Variants in AGBL1 observed in about 807,000 individuals in gnomAD.
The protein encoded by AGBL1 is AGBL carboxypeptidase 1, also known as cytosolic carboxypeptidase 4.
Under a neutral mutation model 118.9 loss-of-function variants are expected in AGBL1, and 130 were observed. That is an observed-to-expected ratio of 1.09 (90% CI 0.95 to 1.26). The LOEUF (loss-of-function observed/expected upper bound fraction) is 1.26. Among genes scored for constraint, AGBL1 ranks in the 50% most tolerant of loss-of-function variants. The pLI is 0.00. For synonymous variants in AGBL1, 555 were observed against 478.9 expected, an observed-to-expected ratio of 1.16 and a Z score of -2.08; for missense variants, 1,584 against 1,298.1, an observed-to-expected ratio of 1.22 and a Z score of -3.38.
chr15:86,988,889 T>C lies in AGBL1; in HGVS notation c.3323+801T>C, dbSNP rs536596829. 3.9e-5 allele frequency among the ~76,000 whole-genome samples: 6 copies of C among 152,292 alleles called. No individual in the cohort carries two copies. The South Asian group carries it at 1.2e-3, about 32-fold the overall frequency. On this transcript the variant is annotated intron_variant, in intron 24 of 24. Coordinates refer to the AGBL1 transcript ENST00000441037. ...TTTCTGTCCCATTTATGACAAGTAT[T>C]TATTCATTTTATTTTTCTTACTTGA...
intron 18 of AGBL1, among the ~76,000 whole-genome samples, chr15:86,426,593 G>A (rs1026821474): frequency 1.3e-5 from 2 of 152,202 alleles, no homozygotes; most frequent in Non-Finnish European, 2.9e-5. Flanking sequence ...GCCAAAGTGA[G>A]TAGTGGACAT....
chr15:86,787,717 G>A (rs188726569), intron 22 of AGBL1, among the ~76,000 whole-genome samples: 2 of 152,196 alleles, frequency 1.3e-5, no homozygotes, highest in African/African-American at 4.8e-5. Context: ...TATTTTTGAG[G>A]TTCTTATTGC....
intron 16 of AGBL1, among the ~76,000 whole-genome samples, chr15:86,282,549 A>C (rs994583882): frequency 6.6e-6 from 1 of 152,282 alleles, no homozygotes; most frequent in Admixed American, 6.5e-5. Context: ...TGTATTCTCA[A>C]TTTTAGGTTT....
intron 17 of AGBL1, among the ~76,000 whole-genome samples, chr15:86,300,323 C>G (rs945607368): frequency 1.3e-5 from 2 of 152,150 alleles, no homozygotes; most frequent in Admixed American, 6.6e-5. Context: ...AGAGCTATAT[C>G]TCTGGAAGAT....
chr15:86,440,514 C>G (rs1035325475), intron 18 of AGBL1, among the ~76,000 whole-genome samples: 1 of 66,802 alleles, frequency 1.5e-5, no homozygotes, highest in African/African-American at 8.9e-5. Context: ...ATAATAATAA[C>G]AGTTAATGGA....
At chr15:86,426,659 A>G (rs772633905) in intron 18 of AGBL1, among the ~76,000 whole-genome samples, 2 of 152,242 alleles carry the variant, frequency 1.3e-5, no homozygotes, top group African/African-American at 2.4e-5. Flanking sequence ...AGAATACATT[A>G]TAATATAAAT....
intron 17 of AGBL1, among the ~76,000 whole-genome samples, chr15:86,380,925 T>C (rs1241682104): frequency 6.9e-6 from 1 of 145,592 alleles, no homozygotes; most frequent in South Asian, 2.2e-4. Flanking sequence ...CTAATCCACA[T>C]TACTTATAAA....
chr15:86,380,935 A>AGTGTGT lies in AGBL1; in HGVS notation c.2375-16412_2375-16407dup, dbSNP rs139872296. On this transcript the variant is annotated intron_variant, in intron 17 of 22. Transcript: ENST00000614907. ...TTGTTCTAATCCACATTACTTATAA[A>AGTGTGT]GTGTGTGTGTGTGTGTGTGTGTGTA... is the stretch of plus-strand genomic sequence containing the variant. Among the ~76,000 whole-genome samples, 75 of 149,626 alleles carry AGTGTGT rather than the reference A, an allele frequency of 5.0e-4. No homozygotes were observed. The East Asian group carries it at 5.1e-3, about 10-fold the overall frequency.
intron 17 of AGBL1, among the ~76,000 whole-genome samples, chr15:86,341,182 C>G (rs1179519580): frequency 1.3e-5 from 2 of 152,178 alleles, no homozygotes; most frequent in African/African-American, 4.8e-5. Flanking sequence ...TGGGACCTGT[C>G]CAGAGTGGAA....
rs188277104 is a variant in AGBL1, at chr15:86,681,467, C to T, written c.3158+7031C>T. On this transcript the variant is annotated intron_variant, in intron 22 of 22. Coordinates refer to ENST00000614907, the MANE Select transcript of AGBL1 (RefSeq NM_001386094.1). Reference sequence around the variant, plus strand: ...TTATACAGCCTCCTGTGTCCTGTGGCTAGTCATTCCCCTGAAGTGCACCAC... The same window carrying T: ...TTATACAGCCTCCTGTGTCCTGTGGTTAGTCATTCCCCTGAAGTGCACCAC... 1.7e-3 allele frequency among the ~76,000 whole-genome samples: 266 copies of T among 152,258 alleles called. 2 individuals carry two copies. The highest frequency in any genetic ancestry group is 6.2e-3 in the African/African-American group (256 of 41,554).
intron 23 of AGBL1, among the ~76,000 whole-genome samples, chr15:86,956,465 A>G (rs1192066526): frequency 6.6e-6 from 1 of 152,132 alleles, no homozygotes; most frequent in African/African-American, 2.4e-5. Flanking sequence ...GAAGCTGGAG[A>G]TTCAAGTAAG....
At chr15:86,197,236 G>T (rs867330712) in intron 5 of AGBL1, among the ~76,000 whole-genome samples, 1 of 152,204 alleles carries the variant, frequency 6.6e-6, no homozygotes. Context: ...GCTGTGAAGG[G>T]ACTGTTGGTT....
chr15:86,110,934 C>G (rs967618279), intron 1 of AGBL1, among the ~76,000 whole-genome samples: 2 of 152,172 alleles, frequency 1.3e-5, no homozygotes, highest in Non-Finnish European at 2.9e-5. Context: ...CCCAATACAG[C>G]CAAGCTATGA....
intron 22 of AGBL1, among the ~76,000 whole-genome samples, chr15:86,737,822 C>G (rs951193708): frequency 9.2e-5 from 14 of 152,210 alleles, no homozygotes; most frequent in Admixed American, 7.2e-4. Context: ...TGTAAATGTG[C>G]AGTATTTTAA....
rs903213590 is a variant in AGBL1 at position 86,156,992 on chromosome 15, G to T, written c.395-1941G>T. 3.3e-5 allele frequency among the ~76,000 whole-genome samples: 5 copies of T among 151,974 alleles called. No individual in the cohort carries two copies. The South Asian group carries it at 8.3e-4, about 25-fold the overall frequency. Reference sequence around the variant, plus strand: ...TTTAGTAAAGACGGAGTTTCACCATGTTGGCCAGGCTGGTCTTGAACTCCT... The same window carrying T: ...TTTAGTAAAGACGGAGTTTCACCATTTTGGCCAGGCTGGTCTTGAACTCCT... On this transcript the variant is annotated intron_variant, in intron 4 of 22. Coordinates refer to ENST00000614907, the MANE Select transcript of AGBL1 (RefSeq NM_001386094.1).
chr15:86,148,496 C>T (rs569398611), intron 3 of AGBL1, among the ~76,000 whole-genome samples: 1 of 152,136 alleles, frequency 6.6e-6, no homozygotes, highest in African/African-American at 2.4e-5. Context: ...GCTTCAGTAG[C>T]CAATTCGATC....
intron 22 of AGBL1, among the ~76,000 whole-genome samples, chr15:86,687,608 C>A (rs1280381932): frequency 6.6e-6 from 1 of 152,042 alleles, no homozygotes; most frequent in South Asian, 2.1e-4. Context: ...TGTGAATAGA[C>A]AAATCTACAG....
At chr15:86,942,487 A>G (rs1488975092) in intron 23 of AGBL1, among the ~76,000 whole-genome samples, 3 of 152,184 alleles carry the variant, frequency 2.0e-5, no homozygotes, top group Non-Finnish European at 4.4e-5. Flanking sequence ...CAAAAAGTTA[A>G]TCAGATTCTG....
intron 1 of AGBL1, among the ~76,000 whole-genome samples, chr15:86,106,759 G>A (rs1210203883): frequency 1.3e-5 from 2 of 152,216 alleles, no homozygotes; most frequent in Non-Finnish European, 2.9e-5. Context: ...GTATAATTTT[G>A]TCTAGATAAT....
Sources: allele counts gnomAD v4.1 joint callset (sites outside exome capture counted in the v4.1 genomes callset), GRCh38; gene constraint gnomAD v4.1.1; transcripts MANE v1.5; gene names NCBI Gene and HGNC (gene_info 2026-07-23, HGNC 2026-07-21).